The following AGTPBP1 variants were observed in gnomAD, a reference collection of about 807,000 sequenced individuals.
The protein encoded by AGTPBP1 is ATP/GTP binding carboxypeptidase 1, also known as cytosolic carboxypeptidase 1.
AGTPBP1 carries 70 observed loss-of-function variants against 143.9 expected under a neutral mutation model. The observed-to-expected ratio is 0.49, with a 90% CI of 0.40 to 0.59. The LOEUF is 0.59. Among genes scored for constraint, AGTPBP1 ranks in the 20% least tolerant of loss-of-function variants. AGTPBP1 has a pLI of 0.00. For missense variants in AGTPBP1, 1,229 were observed against 1,464.5 expected (o/e 0.84, Z 2.62); for synonymous variants, 463 against 500.2 (o/e 0.93, Z 0.99).
chr9:85,753,332 A>G, the AGTPBP1 span: 3 of 1,613,988 alleles, frequency 1.9e-6, no homozygotes, highest in African/African-American at 1.3e-5. Flanking sequence ...CAGGACAGGA[A>G]GAAGGTCTAA....
the AGTPBP1 span, among the ~76,000 whole-genome samples, chr9:85,760,726 C>T: frequency 6.6e-6 from 1 of 152,198 alleles, no homozygotes; most frequent in Non-Finnish European, 1.5e-5. Context: ...GGGATGCCCT[C>T]TCTCACCACT....
intron 1 of AGTPBP1, among the ~76,000 whole-genome samples, chr9:85,732,376 G>A (rs902285274): frequency 1.4e-4 from 22 of 151,840 alleles, no homozygotes; most frequent in African/African-American, 5.1e-4. Context: ...CACCAGGCTC[G>A]GCTAATTTTT....
the AGTPBP1 span, among the ~76,000 whole-genome samples, chr9:85,755,112 A>G: frequency 9.2e-5 from 14 of 152,174 alleles, no homozygotes; most frequent in African/African-American, 3.4e-4. Context: ...GTGTTATTGG[A>G]AGACCGAATA....
chr9:85,693,896 A>G (rs1836052405), intron 2 of AGTPBP1, among the ~76,000 whole-genome samples: 1 of 152,074 alleles, frequency 6.6e-6, no homozygotes, highest in Non-Finnish European at 1.5e-5. Flanking sequence ...GTAAATAAGC[A>G]AGCCGTGCAA....
intron 17 of AGTPBP1, among the ~76,000 whole-genome samples, chr9:85,605,660 G>T (rs982514118): frequency 1.3e-5 from 2 of 152,098 alleles, no homozygotes; most frequent in Admixed American, 6.5e-5. Context: ...ACAAAAAGAT[G>T]AACCTATCAA....
At chr9:85,733,044 A>C (rs555677750) in intron 1 of AGTPBP1, among the ~76,000 whole-genome samples, 123 of 152,216 alleles carry the variant, frequency 8.1e-4, no homozygotes, top group Non-Finnish European at 1.5e-3. Flanking sequence ...TAAAAGGTGG[A>C]TACTTAATAC....
intron 11 of AGTPBP1, among the ~76,000 whole-genome samples, chr9:85,651,801 T>C (rs915717951): frequency 3.3e-5 from 5 of 152,238 alleles, no homozygotes; most frequent in Non-Finnish European, 5.9e-5. Context: ...GAAGAATAAG[T>C]ATCAAGGCCA....
chr9:85,623,250 G>T (rs1006019950), intron 14 of AGTPBP1, among the ~76,000 whole-genome samples: 1 of 151,490 alleles, frequency 6.6e-6, no homozygotes, highest in Non-Finnish European at 1.5e-5. Flanking sequence ...TGGGAGATGC[G>T]GAATCTCCCA....
At chr9:85,760,161 C>T in the AGTPBP1 span, among the ~76,000 whole-genome samples, 6 of 152,232 alleles carry the variant, frequency 3.9e-5, no homozygotes, top group South Asian at 2.1e-4. Flanking sequence ...CAGGATCAGA[C>T]GGATTCACAG....
At chr9:85,623,462 TAA>T (rs1831072385) in intron 14 of AGTPBP1, among the ~76,000 whole-genome samples, 1 of 151,968 alleles carries the variant, frequency 6.6e-6, no homozygotes, top group South Asian at 2.1e-4. Flanking sequence ...CTCTCTTTAA[TAA>T]AGAGGAGAGG....
At chr9:85,757,555 G>A in the AGTPBP1 span, among the ~76,000 whole-genome samples, 4 of 152,176 alleles carry the variant, frequency 2.6e-5, no homozygotes, top group Admixed American at 1.3e-4. Context: ...AACAGAAGAT[G>A]CTGCATTGCA....
intron 8 of AGTPBP1, among the ~76,000 whole-genome samples, chr9:85,665,532 C>T (rs1186832910): frequency 6.6e-6 from 1 of 152,164 alleles, no homozygotes; most frequent in Non-Finnish European, 1.5e-5. Flanking sequence ...TAATAACTTA[C>T]ATGCAATCAC....
intron 14 of AGTPBP1, among the ~76,000 whole-genome samples, chr9:85,627,208 A>G (rs1040179086): frequency 1.3e-4 from 20 of 152,152 alleles, no homozygotes. Flanking sequence ...CTTTGCTTTT[A>G]AAAAGTTGAG....
chr9:85,712,518 CT>C lies in AGTPBP1; in HGVS notation c.15del (p.Val6Ter). On this transcript the variant is annotated frameshift_variant, in exon 2 of 26. Coordinates refer to ENST00000357081, the MANE Select transcript of AGTPBP1 (RefSeq NM_001330701.2). LOFTEE classifies it high-confidence loss of function. MSKL[K>X]VIPEKSLTNN... ...TTACAGTACCTTTTTTCTGGTATCACTTTTAACTTGCTCATCTTGAGTTACT... is the reference window on the plus strand; with the variant it reads ...TTACAGTACCTTTTTTCTGGTATCACTTTAACTTGCTCATCTTGAGTTACT... 1 of 1,500,718 alleles carries C rather than the reference CT, an allele frequency of 6.7e-7. No individual in the cohort carries two copies. Among genetic ancestry groups the C allele is most frequent in the Admixed American group, 2.0e-5 (1 of 49,472 alleles). 93.0% of individuals were successfully genotyped at this position (1,500,718 alleles called of 1,614,324 possible).
intron 2 of AGTPBP1, among the ~76,000 whole-genome samples, chr9:85,706,061 G>T (rs1189958291): frequency 6.6e-6 from 1 of 151,812 alleles, no homozygotes; most frequent in Admixed American, 6.6e-5. Context: ...TATACTAGAT[G>T]TATAGTATAA....
intron 1 of AGTPBP1, among the ~76,000 whole-genome samples, chr9:85,726,539 T>A (rs947711992): frequency 6.6e-6 from 1 of 152,190 alleles, no homozygotes. Flanking sequence ...ATCTAGTGAG[T>A]CATTTCATTG....
At chr9:85,797,179 C>T in the AGTPBP1 span, among the ~76,000 whole-genome samples, 3 of 152,078 alleles carry the variant, frequency 2.0e-5, no homozygotes, top group Non-Finnish European at 4.4e-5. Context: ...AGTGCAGCGA[C>T]GCGATGATAG....
chr9:85,592,745 T>A (rs1342839496), intron 18 of AGTPBP1, 41 bp from the exon 19 acceptor site: 1 of 1,584,022 alleles, frequency 6.3e-7, no homozygotes, highest in East Asian at 2.3e-5. Flanking sequence ...TTCATCCACA[T>A]GAAAACTGAT....
chr9:85,662,453 T>C (rs1002037587), intron 8 of AGTPBP1, among the ~76,000 whole-genome samples: 2 of 152,184 alleles, frequency 1.3e-5, no homozygotes, highest in Non-Finnish European at 2.9e-5. Context: ...TCCATACTTT[T>C]TACACTTATG....
Sources: gnomAD v4.1 joint callset for allele counts (sites outside exome capture counted in the v4.1 genomes callset) on GRCh38, gnomAD v4.1.1 for gene constraint, MANE v1.5 for transcripts, NCBI Gene and HGNC (gene_info 2026-07-23, HGNC 2026-07-21) for gene names.